PDE1C: variants seen among roughly 807,000 people sequenced by gnomAD.
PDE1C encodes the protein dual specificity calcium/calmodulin-dependent 3',5'-cyclic nucleotide phosphodiesterase 1C.
In PDE1C, 62 loss-of-function variants were observed where a neutral mutation model predicts 93.1. The observed-to-expected ratio is 0.67, with a 90% confidence interval of 0.54 to 0.82. The LOEUF is 0.82. PDE1C is among the 40% of genes least tolerant of loss of function. The pLI is 0.00. For missense variants in PDE1C, 742 were observed against 884.6 expected, an observed-to-expected ratio of 0.84 and a Z score of 2.04; for synonymous variants, 325 against 310.1, an observed-to-expected ratio of 1.05 and a Z score of -0.50.
intron 1 of PDE1C, among the ~76,000 whole-genome samples, chr7:32,341,215 G>A (rs1028724293): frequency 2.0e-5 from 2 of 100,964 alleles, no homozygotes; most frequent in African/African-American, 3.7e-5. Flanking sequence ...TCGCTCTGTC[G>A]CCCAGGCTGG....
intron 3 of PDE1C, among the ~76,000 whole-genome samples, chr7:32,123,706 C>A (rs932102756): frequency 2.6e-5 from 4 of 152,120 alleles, no homozygotes; most frequent in African/African-American, 9.7e-5. Context: ...GAACATATCT[C>A]AAAACAATAA....
Position 31,873,381 on chromosome 7 carries a change from A to G in PDE1C, c.520T>C (p.Phe174Leu). 2 of 1,613,140 alleles carry G rather than the reference A, an allele frequency of 1.2e-6. No individual in the cohort carries two copies. Among genetic ancestry groups the G allele is most frequent in the Non-Finnish European group, 1.7e-6 (2 of 1,179,256 alleles). Residue 174 changes from phenylalanine (F) to leucine (L), a missense_variant, in exon 6 of 18, where the codon TTT (phenylalanine) becomes CTT (leucine). Coordinates refer to ENST00000396191, the MANE Select transcript of PDE1C (RefSeq NM_001191057.4). ...TCCCCACTGGCCTCATTGAGGGAAA[A>G]GACGTCAAAGGACCACTTGTCCACA... ...KDVDKWSFDV[F>L]SLNEASGDHA... is the part of the protein sequence containing the mutation.
intron 2 of PDE1C, among the ~76,000 whole-genome samples, chr7:32,018,596 T>A (rs1450255701): frequency 1.3e-5 from 2 of 151,526 alleles, no homozygotes; most frequent in Admixed American, 6.6e-5. Flanking sequence ...CCCATTTATA[T>A]GAAATGTCCA....
intron 3 of PDE1C, among the ~76,000 whole-genome samples, chr7:31,880,055 A>G (rs763058169): frequency 3.9e-5 from 6 of 152,218 alleles, no homozygotes; most frequent in Non-Finnish European, 7.3e-5. Flanking sequence ...TACAAATCTT[A>G]GATTACTGTG....
intron 16 of PDE1C, among the ~76,000 whole-genome samples, chr7:31,798,455 A>C (rs534826608): frequency 1.1e-4 from 17 of 151,896 alleles, no homozygotes; most frequent in African/African-American, 4.1e-4. Context: ...ATGGCAAAGT[A>C]AATTTCACTA....
At chr7:32,377,164 A>C (rs1784447843) in intron 1 of PDE1C, among the ~76,000 whole-genome samples, 2 of 152,320 alleles carry the variant, frequency 1.3e-5, no homozygotes, top group Admixed American at 1.3e-4. Flanking sequence ...ACTCCAGGAC[A>C]GTCAATAGCT....
intron 2 of PDE1C, among the ~76,000 whole-genome samples, chr7:32,005,168 C>A (rs1786027713): frequency 6.6e-6 from 1 of 152,136 alleles, no homozygotes; most frequent in Non-Finnish European, 1.5e-5. Context: ...ATCAAAACCC[C>A]TGGCCATGAA....
chr7:31,995,928 G>A (rs1263880495), intron 2 of PDE1C, among the ~76,000 whole-genome samples: 1 of 152,004 alleles, frequency 6.6e-6, no homozygotes, highest in Non-Finnish European at 1.5e-5. Flanking sequence ...AGAGTAGAAC[G>A]ACCCTTGGCA....
chr7:31,756,854 C>T (rs1360420827), intron 17 of PDE1C, among the ~76,000 whole-genome samples: 1 of 152,192 alleles, frequency 6.6e-6, no homozygotes. Context: ...AACCCTTGCT[C>T]ACTGGCTTTC....
At chr7:32,281,025 C>A (rs933349213) in intron 1 of PDE1C, among the ~76,000 whole-genome samples, 3 of 151,840 alleles carry the variant, frequency 2.0e-5, no homozygotes. Flanking sequence ...CAAAAGCAGA[C>A]CCAAATATGT....
At chr7:31,741,682 C>T in the PDE1C span, among the ~76,000 whole-genome samples, 1 of 152,130 alleles carries the variant, frequency 6.6e-6, no homozygotes, top group African/African-American at 2.4e-5. Flanking sequence ...AAAGTTTTGT[C>T]TTCCTTTTAG....
chr7:31,924,205 T>C (rs1308022536), intron 2 of PDE1C, among the ~76,000 whole-genome samples: 1 of 152,228 alleles, frequency 6.6e-6, no homozygotes, highest in Non-Finnish European at 1.5e-5. Context: ...CTTCATTCTC[T>C]TTAAGACTGA....
intron 2 of PDE1C, among the ~76,000 whole-genome samples, chr7:31,986,293 C>T (rs1322597486): frequency 6.6e-6 from 1 of 152,048 alleles, no homozygotes; most frequent in African/African-American, 2.4e-5. Flanking sequence ...TCCTACTTCA[C>T]ATGGCTTTCT....
chr7:32,168,187 G>A (rs1405079177), intron 3 of PDE1C, among the ~76,000 whole-genome samples: 3 of 152,176 alleles, frequency 2.0e-5, no homozygotes, highest in African/African-American at 7.2e-5. Flanking sequence ...TTTTCCTACA[G>A]CACCAAGTGT....
chr7:32,301,885 G>A (rs73314413), upstream of PDE1C, among the ~76,000 whole-genome samples: 2,162 of 152,254 alleles, frequency 0.014, 55 homozygotes, highest in African/African-American at 0.048. Context: ...TTTTTGTGGC[G>A]TCTGCAAGCT....
chr7:31,670,768 A>G, the PDE1C span, among the ~76,000 whole-genome samples: 1 of 151,706 alleles, frequency 6.6e-6, no homozygotes, highest in Non-Finnish European at 1.5e-5. Context: ...TAACATTCCT[A>G]TTTTCCCACT....
At chr7:31,766,181 G>A (rs1192668078) in intron 17 of PDE1C, among the ~76,000 whole-genome samples, 1 of 152,080 alleles carries the variant, frequency 6.6e-6, no homozygotes, top group Admixed American at 6.5e-5. Context: ...TCAGGAGATC[G>A]AGACCATCCT....
chr7:32,418,866 C>T (rs545955080), intron 1 of PDE1C, among the ~76,000 whole-genome samples: 4 of 152,286 alleles, frequency 2.6e-5, no homozygotes, highest in Admixed American at 6.5e-5. Flanking sequence ...GAGGTCCACC[C>T]GACTCCTGGA....
At chr7:31,797,744 G>GA (rs890755950) in intron 16 of PDE1C, among the ~76,000 whole-genome samples, 2 of 151,108 alleles carry the variant, frequency 1.3e-5, no homozygotes, top group Non-Finnish European at 3.0e-5. Flanking sequence ...AAATAATGAG[G>GA]AAAAAAAATC....
Sources: gnomAD v4.1 joint callset for allele counts (sites outside exome capture counted in the v4.1 genomes callset) on GRCh38, gnomAD v4.1.1 for gene constraint, MANE v1.5 for transcripts, NCBI Gene and HGNC (gene_info 2026-07-23, HGNC 2026-07-21) for gene names.